Variants in GPHN observed in about 807,000 individuals in gnomAD.
GPHN encodes the protein gephyrin.
A neutral mutation model predicts 95.5 loss-of-function variants in GPHN; 17 were observed. That is an observed-to-expected ratio of 0.18 (90% CI 0.12 to 0.27). The LOEUF is 0.27. GPHN is among the 10% of genes least tolerant of loss of function. GPHN has a pLI of 1.00. For synonymous variants in GPHN, 320 were observed against 322.5 expected (o/e 0.99, Z 0.08); for missense variants, 660 against 978.1 (o/e 0.67, Z 4.34).
At chr14:66,979,016 T>C (rs2070464079) in intron 9 of GPHN, among the ~76,000 whole-genome samples, 1 of 152,212 alleles carries the variant, frequency 6.6e-6, no homozygotes, top group South Asian at 2.1e-4. Flanking sequence ...AGGAATCTTT[T>C]TGTCTAAGCA....
At chr14:66,934,506 A>G (rs1010924602) in intron 8 of GPHN, among the ~76,000 whole-genome samples, 4 of 152,206 alleles carry the variant, frequency 2.6e-5, no homozygotes, top group Non-Finnish European at 4.4e-5. Flanking sequence ...CAACATACCC[A>G]TTTCACCTAG....
At chr14:67,279,547 AAT>A in the GPHN span, 1 of 1,517,970 alleles carries the variant, frequency 6.6e-7, no homozygotes, top group East Asian at 2.3e-5. Context: ...GGTAAGTAAA[AAT>A]AGAGGTATAA....
At chr14:67,274,872 C>G in the GPHN span, among the ~76,000 whole-genome samples, 1 of 152,094 alleles carries the variant, frequency 6.6e-6, no homozygotes, top group Non-Finnish European at 1.5e-5. Flanking sequence ...GTATTTTATT[C>G]TCTTTGTAGC....
intron 12 of GPHN, among the ~76,000 whole-genome samples, chr14:67,099,957 C>T (rs932412170): frequency 6.6e-6 from 1 of 151,948 alleles, no homozygotes; most frequent in South Asian, 2.1e-4. Flanking sequence ...TTTGCCCAGT[C>T]GTATTGGTCT....
chr14:67,030,515 G>A (rs769586956), intron 10 of GPHN, among the ~76,000 whole-genome samples: 6 of 152,112 alleles, frequency 3.9e-5, no homozygotes, highest in Non-Finnish European at 5.9e-5. Context: ...CCAGCCATAT[G>A]AACATTTCAA....
At chr14:67,632,240 A>T in the GPHN span, among the ~76,000 whole-genome samples, 1 of 152,194 alleles carries the variant, frequency 6.6e-6, no homozygotes, top group Non-Finnish European at 1.5e-5. Flanking sequence ...CTGTATACAG[A>T]TGTCTTCCAT....
intron 9 of GPHN, among the ~76,000 whole-genome samples, chr14:67,017,877 C>T (rs1432239581): frequency 1.3e-5 from 2 of 151,998 alleles, no homozygotes; most frequent in Non-Finnish European, 2.9e-5. Flanking sequence ...AAAACAGGTA[C>T]AGGAATGGCT....
At chr14:66,564,809 A>C (rs1174215371) in intron 1 of GPHN, among the ~76,000 whole-genome samples, 1 of 152,126 alleles carries the variant, frequency 6.6e-6, no homozygotes, top group Admixed American at 6.6e-5. Context: ...TTGTGTGTGC[A>C]TGCATATTTC....
At chr14:67,657,471 C>T in the GPHN span, among the ~76,000 whole-genome samples, 3 of 152,298 alleles carry the variant, frequency 2.0e-5, no homozygotes, top group South Asian at 6.2e-4. Context: ...CGAAGTTTTA[C>T]TCCACCTGTA....
chr14:66,626,507 G>A (rs2063533471), intron 1 of GPHN, among the ~76,000 whole-genome samples: 1 of 152,026 alleles, frequency 6.6e-6, no homozygotes, highest in Admixed American at 6.6e-5. Context: ...TAGGTAACAT[G>A]TTAGAAAGAA....
chr14:67,001,979 G>C (rs1355146562), intron 9 of GPHN, among the ~76,000 whole-genome samples: 2 of 151,506 alleles, frequency 1.3e-5, no homozygotes, highest in African/African-American at 4.8e-5. Context: ...CTAGACTTTG[G>C]CAAGTAGAAT....
the GPHN span, among the ~76,000 whole-genome samples, chr14:67,505,437 T>C: frequency 6.6e-6 from 1 of 152,312 alleles, no homozygotes; most frequent in African/African-American, 2.4e-5. Context: ...GGGACACACG[T>C]TGGCCATCTG....
chr14:67,427,016 GA>G, the GPHN span, among the ~76,000 whole-genome samples: 2 of 152,096 alleles, frequency 1.3e-5, no homozygotes, highest in African/African-American at 4.8e-5. Context: ...AAAACTAGAT[GA>G]GCCAAAGCAA....
rs575727795 is a variant in GPHN, at chr14:66,678,916, G to A, written c.65-2191G>A. Among the ~76,000 whole-genome samples, 16 of 152,276 alleles carry A rather than the reference G, an allele frequency of 1.1e-4. No individual in the cohort carries two copies. The South Asian group carries it at 3.3e-3, about 32-fold the overall frequency. On this transcript the variant is annotated intron_variant, in intron 1 of 22. Transcript: ENST00000478722. Reference sequence around the variant, plus strand: ...TGGAGTCAGCGACAAGACTTTCCTGGCAACATGGATATTTGGTGGGCTTGT... The same window carrying A: ...TGGAGTCAGCGACAAGACTTTCCTGACAACATGGATATTTGGTGGGCTTGT...
chr14:67,541,092 A>G, the GPHN span, among the ~76,000 whole-genome samples: 4 of 152,362 alleles, frequency 2.6e-5, no homozygotes, highest in South Asian at 8.3e-4. Flanking sequence ...GTGAGAATCT[A>G]TTCCAAAGTG....
At chr14:67,077,006 A>G (rs568504646) in intron 11 of GPHN, among the ~76,000 whole-genome samples, 2 of 152,288 alleles carry the variant, frequency 1.3e-5, no homozygotes, top group African/African-American at 4.8e-5. Flanking sequence ...TTATTTTGAT[A>G]AGTGACTTTG....
chr14:66,605,958 T>G lies in GPHN; in HGVS notation c.65-75149T>G, dbSNP rs112008053. Among the ~76,000 whole-genome samples, 552 of 152,232 alleles carry G rather than the reference T, an allele frequency of 3.6e-3. 12 individuals are homozygous for G. The highest frequency in any genetic ancestry group is 0.013 in the African/African-American group (526 of 41,544). ...CTCCCATTCTCTAGGCTGTTTACTG[T>G]TGATAATTTATTTTTCTGTGCAGAG... On this transcript the variant is annotated intron_variant, in intron 1 of 22. Coordinates refer to ENST00000478722, the MANE Select transcript of GPHN (RefSeq NM_020806.5).
chr14:67,370,794 G>A, the GPHN span, among the ~76,000 whole-genome samples: 9,731 of 152,224 alleles, frequency 0.064, 590 homozygotes, highest in African/African-American at 0.16. Context: ...GGGAGGTTGA[G>A]GTGGGCAGAT....
chr14:67,647,271 A>G, the GPHN span: 1 of 403,520 alleles, frequency 2.5e-6, no homozygotes, highest in Non-Finnish European at 4.4e-6. Context: ...CTCCATCTTT[A>G]ATGCTTATCT....
Sources: allele counts gnomAD v4.1 joint callset (sites outside exome capture counted in the v4.1 genomes callset), GRCh38; gene constraint gnomAD v4.1.1; transcripts MANE v1.5; gene names NCBI Gene and HGNC (gene_info 2026-07-23, HGNC 2026-07-21).